SPON1: variants seen among roughly 807,000 people sequenced by gnomAD.
The protein encoded by SPON1 is spondin 1.
In SPON1, 52 loss-of-function variants were observed where a neutral mutation model predicts 111.7. The ratio of observed to expected loss-of-function variants is 0.47; its 90% CI spans 0.37 to 0.59. The LOEUF is 0.59. Among genes scored for constraint, SPON1 ranks in the 20% least tolerant of loss-of-function variants. The pLI, the probability that SPON1 is intolerant of heterozygous loss-of-function variation, is 0.00. For synonymous variants in SPON1, 410 were observed against 395.8 expected (o/e 1.04, Z -0.43); for missense variants, 957 against 1,068.5 (o/e 0.90, Z 1.46).
chr11:14,265,571 T>C lies in SPON1; in HGVS notation c.2308T>C (p.Cys770Arg). 1 of 1,613,670 alleles carries C rather than the reference T, an allele frequency of 6.2e-7. No individual in the cohort carries two copies. The highest frequency in any genetic ancestry group is 8.5e-7 in the Non-Finnish European group (1 of 1,179,800). ...WTAWSECTKL[C>R]GGGIQERYMT... ...GGCCTGGTCAGAATGCACCAAACTG[T>C]GCGGAGGTGGAATTCAGGAACGTTA... The change falls in exon 16 of 16, where the codon TGC becomes CGC. Residue 770 changes from cysteine (C) to arginine (R), a missense_variant. Physicochemically the swap from Cys to Arg is radical, Grantham distance 180 (BLOSUM62 -3). Coordinates refer to ENST00000576479, the MANE Select transcript of SPON1 (RefSeq NM_006108.4).
At chr11:14,039,873 G>A (rs1969540) in intron 2 of SPON1, among the ~76,000 whole-genome samples, 152,089 of 152,320 alleles carry the variant, frequency 1, 75,930 homozygotes, top group Non-Finnish European at 1. Flanking sequence ...AAAGACAATA[G>A]AATCCACTGG....
At chr11:14,172,191 A>G (rs1848111458) in intron 6 of SPON1, among the ~76,000 whole-genome samples, 2 of 151,922 alleles carry the variant, frequency 1.3e-5, no homozygotes, top group Non-Finnish European at 2.9e-5. Context: ...TTGGGTGCAT[A>G]TATATTTAGG....
intron 2 of SPON1, among the ~76,000 whole-genome samples, chr11:14,032,792 C>A (rs1401866007): frequency 6.6e-6 from 1 of 152,142 alleles, no homozygotes; most frequent in South Asian, 2.1e-4. Flanking sequence ...AAAGTGGTGT[C>A]ATAGCACATG....
At chr11:14,243,501 T>G in intron 7 of SPON1, 105 bp downstream of exon 7, 2 of 921,420 alleles carry the variant, frequency 2.2e-6, no homozygotes, top group Non-Finnish European at 3.5e-6. Context: ...AAGTTAGCAC[T>G]ACTTCTCAGT....
At chr11:14,263,035 C>T in intron 15 of SPON1, 60 bp downstream of exon 15, 1 of 1,327,070 alleles carries the variant, frequency 7.5e-7, no homozygotes, top group African/African-American at 1.6e-5. Context: ...CTGCACTGGG[C>T]TAAGTCTTGG....
chr11:14,079,924 C>A lies in SPON1; in HGVS notation c.579C>A (p.Asp193Glu). 1 of 1,613,958 alleles carries A rather than the reference C, an allele frequency of 6.2e-7. No homozygotes were observed. The highest frequency in any genetic ancestry group is 8.5e-7 in the Non-Finnish European group (1 of 1,179,886). Residue 193 changes from aspartate to glutamate, a missense_variant, in exon 5 of 16, where the codon GAC (aspartate) becomes GAA (glutamate). Physicochemically the swap from Asp to Glu is conservative, Grantham distance 45. Transcript: ENST00000576479. Reference sequence around the variant, plus strand: ...ATTCCACATTTGATGGGGTGACTGACAAACCCATCTTAGACTGCTGTGCCT... The same window carrying A: ...ATTCCACATTTGATGGGGTGACTGAAAAACCCATCTTAGACTGCTGTGCCT... ...EQDSTFDGVT[D>E]KPILDCCACG...
intron 6 of SPON1, among the ~76,000 whole-genome samples, chr11:14,152,251 C>G (rs1847797047): frequency 6.6e-6 from 1 of 152,212 alleles, no homozygotes. Flanking sequence ...CAAAGTTAGC[C>G]ATTTTACCTC....
intron 5 of SPON1, among the ~76,000 whole-genome samples, chr11:14,108,265 C>T (rs1266468818): frequency 6.6e-6 from 1 of 152,188 alleles, no homozygotes; most frequent in African/African-American, 2.4e-5. Flanking sequence ...TAGCTCAGAA[C>T]AAGACCAACA....
chr11:13,996,910 C>T (rs901906246), intron 2 of SPON1, among the ~76,000 whole-genome samples: 12 of 151,994 alleles, frequency 7.9e-5, no homozygotes, highest in East Asian at 1.9e-4. Context: ...ATAATTTATT[C>T]GAAGATTCCT....
At chr11:14,252,964 G>A (rs937502628) in intron 7 of SPON1, among the ~76,000 whole-genome samples, 2 of 152,244 alleles carry the variant, frequency 1.3e-5, no homozygotes, top group South Asian at 4.1e-4. Context: ...CTGGTCCAAG[G>A]ACCACACTTT....
chr11:14,058,379 G>T (rs1238592192), intron 3 of SPON1, among the ~76,000 whole-genome samples: 1 of 152,138 alleles, frequency 6.6e-6, no homozygotes, highest in Admixed American at 6.5e-5. Context: ...CCAGTCAACA[G>T]GCAGCAACCT....
chr11:14,239,248 C>A (rs560528436), intron 6 of SPON1, among the ~76,000 whole-genome samples: 42 of 152,310 alleles, frequency 2.8e-4, no homozygotes, highest in African/African-American at 9.1e-4. Flanking sequence ...TATGAACTTA[C>A]CCTGAATGTA....
intron 6 of SPON1, among the ~76,000 whole-genome samples, chr11:14,200,746 T>G (rs1591408902): frequency 7.8e-6 from 1 of 127,432 alleles, no homozygotes; most frequent in African/African-American, 3.1e-5. Context: ...ACCCGGGAGG[T>G]GGAGGTTGCA....
At position 14,257,745 on chromosome 11, in the gene SPON1, A is replaced by C. The variant is rs1413222966; in HGVS notation, c.1339A>C (p.Asn447His). 6.2e-7 allele frequency: 1 copy of C among 1,613,084 alleles called. No individual in the cohort carries two copies. The highest frequency in any genetic ancestry group is 8.5e-7 in the Non-Finnish European group (1 of 1,179,646). ...CACCCCTGAAACCTGCATCTACTCC[A>C]ACTGGTCCCCATGGTCCGCCTGCAG... ...DDTPETCIYS[N>H]WSPWSACSSS... The change falls in exon 11 of 16, where the codon AAC (asparagine) becomes CAC (histidine). Residue 447 changes from asparagine to histidine, a missense_variant. By Grantham distance (68) the Asn-to-His change is moderately conservative. Coordinates refer to ENST00000576479, the MANE Select transcript of SPON1 (RefSeq NM_006108.4).
At chr11:14,047,157 C>A (rs527765312) in intron 3 of SPON1, among the ~76,000 whole-genome samples, 15 of 151,900 alleles carry the variant, frequency 9.9e-5, no homozygotes, top group African/African-American at 3.1e-4. Flanking sequence ...TATATATATA[C>A]CTTTTGTTTC....
At chr11:14,114,242 C>CTCTATG (rs1379170982) in intron 5 of SPON1, among the ~76,000 whole-genome samples, 1 of 152,170 alleles carries the variant, frequency 6.6e-6, no homozygotes, top group Non-Finnish European at 1.5e-5. Context: ...CATCCTTCAA[C>CTCTATG]TCTATGTCTA....
chr11:14,252,955 T>C (rs2133923178), intron 7 of SPON1, among the ~76,000 whole-genome samples: 1 of 152,386 alleles, frequency 6.6e-6, no homozygotes, highest in African/African-American at 2.4e-5. Context: ...CTGATGCTGC[T>C]GGTCCAAGGA....
intron 3 of SPON1, among the ~76,000 whole-genome samples, chr11:14,042,601 C>CT (rs1416788773): frequency 6.6e-6 from 1 of 152,004 alleles, no homozygotes; most frequent in Non-Finnish European, 1.5e-5. Flanking sequence ...CAAGAAGTCA[C>CT]TTTTTTTTAA....
intron 2 of SPON1, among the ~76,000 whole-genome samples, chr11:14,018,713 C>T (rs1411935481): frequency 6.6e-6 from 1 of 152,108 alleles, no homozygotes; most frequent in Non-Finnish European, 1.5e-5. Flanking sequence ...ACATGGGCTA[C>T]ATTGTAGAAG....
Sources: allele counts gnomAD v4.1 joint callset (sites outside exome capture counted in the v4.1 genomes callset), GRCh38; gene constraint gnomAD v4.1.1; transcripts MANE v1.5; gene names NCBI Gene and HGNC (gene_info 2026-07-23, HGNC 2026-07-21).